DPF3: variants seen among roughly 807,000 people sequenced by gnomAD.
DPF3 encodes the protein double PHD fingers 3, also known as zinc finger protein DPF3.
A neutral mutation model predicts 56.8 loss-of-function variants in DPF3; 18 were observed. The ratio of observed to expected loss-of-function variants is 0.32; its 90% confidence interval spans 0.22 to 0.47. The LOEUF (loss-of-function observed/expected upper bound fraction) is 0.47. Ranked by LOEUF, DPF3 falls within the 20% of genes least tolerant of loss-of-function variation. The probability of loss-of-function intolerance (pLI) is 1.00; values close to 1 mark genes in which losing one functional copy is unlikely to be tolerated. For missense variants in DPF3, 403 were observed against 488.8 expected, an observed-to-expected ratio of 0.82 and a Z score of 1.65; for synonymous variants, 188 against 180.2, an observed-to-expected ratio of 1.04 and a Z score of -0.35.
At chr14:72,704,201 A>G (rs1888308914) in intron 6 of DPF3, among the ~76,000 whole-genome samples, 1 of 152,236 alleles carries the variant, frequency 6.6e-6, no homozygotes, top group Non-Finnish European at 1.5e-5. Context: ...GGTGTCTTTG[A>G]TTCCTGATTC....
At chr14:72,687,875 C>G (rs1327233264) in intron 7 of DPF3, among the ~76,000 whole-genome samples, 1 of 152,070 alleles carries the variant, frequency 6.6e-6, no homozygotes, top group African/African-American at 2.4e-5. Flanking sequence ...CCAGTAGAAC[C>G]TGAGAATCTA....
chr14:72,640,502 C>T (rs1294723562), intron 8 of DPF3, among the ~76,000 whole-genome samples: 1 of 152,116 alleles, frequency 6.6e-6, no homozygotes, highest in Non-Finnish European at 1.5e-5. Context: ...CCTTCTGGAG[C>T]TTACACTGTA....
At chr14:72,648,534 G>A (rs543670085) in intron 8 of DPF3, among the ~76,000 whole-genome samples, 1 of 146,808 alleles carries the variant, frequency 6.8e-6, no homozygotes, top group Non-Finnish European at 1.5e-5. Flanking sequence ...GCACACTCCA[G>A]CCTGGGTGAC....
At chr14:72,788,667 G>A (rs1892310976) in intron 1 of DPF3, among the ~76,000 whole-genome samples, 1 of 152,116 alleles carries the variant, frequency 6.6e-6, no homozygotes, top group African/African-American at 2.4e-5. Context: ...CCACCTCCCT[G>A]GCTCCTGACT....
chr14:72,892,512 C>G (rs1016184072), intron 1 of DPF3: 3 of 1,401,268 alleles, frequency 2.1e-6, no homozygotes, highest in African/African-American at 1.5e-5. Flanking sequence ...ACCCCTTTCC[C>G]TATTTCTGAT....
chr14:72,852,442 C>T (rs1366201547), intron 1 of DPF3, among the ~76,000 whole-genome samples: 1 of 152,228 alleles, frequency 6.6e-6, no homozygotes, highest in Non-Finnish European at 1.5e-5. Context: ...CCGCCCCCAA[C>T]ACACTCACAC....
intron 8 of DPF3, chr14:72,670,567 T>A (rs1294930623): frequency 7.1e-6 from 7 of 987,484 alleles, no homozygotes; most frequent in Non-Finnish European, 8.4e-6. Flanking sequence ...CGTCTCCCAT[T>A]GAGGAAATTC....
intron 9 of DPF3, among the ~76,000 whole-genome samples, chr14:72,620,637 G>A (rs1487655905): frequency 1.3e-5 from 2 of 152,156 alleles, no homozygotes; most frequent in African/African-American, 4.8e-5. Flanking sequence ...GCTCTCCCAG[G>A]CCCTGACCCT....
chr14:72,831,079 A>T (rs1244874827), intron 1 of DPF3, among the ~76,000 whole-genome samples: 1 of 152,160 alleles, frequency 6.6e-6, no homozygotes, highest in African/African-American at 2.4e-5. Flanking sequence ...CTTCTTGGAT[A>T]TTTAACCTGG....
Position 72,764,484 on chromosome 14 carries a change from G to GTT in DPF3, c.193+7247_193+7248dup, listed in dbSNP as rs57886183. Among the ~76,000 whole-genome samples the GTT allele has an allele frequency of 9.1e-3, 478 of 52,792 alleles. 104 individuals carry two copies. The highest frequency in any genetic ancestry group is 0.034 in the African/African-American group (440 of 12,762). 34.6% of individuals were successfully genotyped at this position (52,792 alleles called of 152,430 possible). On this transcript the variant is annotated intron_variant, in intron 2 of 10. Coordinates refer to ENST00000556509, the MANE Select transcript of DPF3 (RefSeq NM_001280542.3). The stretch of plus-strand genomic sequence containing the variant: ...AGTATGCAAACTATTTTCCTGAGTT[G>GTT]TTTTTTTTTTTTTTTTTTTTTTTTT...
chr14:72,630,778 C>G (rs933087823), intron 8 of DPF3, among the ~76,000 whole-genome samples: 2 of 152,202 alleles, frequency 1.3e-5, no homozygotes, highest in African/African-American at 4.8e-5. Flanking sequence ...TGCCCAGTGC[C>G]GAGCACTCAC....
intron 8 of DPF3, chr14:72,670,851 C>A: frequency 1.0e-5 from 12 of 1,172,186 alleles, no homozygotes; most frequent in Non-Finnish European, 1.3e-5. Flanking sequence ...CGTCTAACTT[C>A]CTATTTCTAT....
intron 3 of DPF3, among the ~76,000 whole-genome samples, chr14:72,743,100 T>C (rs889685285): frequency 1.3e-5 from 2 of 152,118 alleles, no homozygotes; most frequent in African/African-American, 4.8e-5. Context: ...TCCCCAGTCA[T>C]TGAAGGACTG....
At chr14:72,727,670 C>T (rs1213167989) in intron 4 of DPF3, among the ~76,000 whole-genome samples, 1 of 151,948 alleles carries the variant, frequency 6.6e-6, no homozygotes, top group Non-Finnish European at 1.5e-5. Flanking sequence ...TCCTAAAATG[C>T]ACTTATTTTA....
At chr14:72,812,839 G>A (rs758375684) in intron 1 of DPF3, among the ~76,000 whole-genome samples, 2 of 152,172 alleles carry the variant, frequency 1.3e-5, no homozygotes, top group Non-Finnish European at 2.9e-5. Context: ...AACAAAAGAC[G>A]GGAAGCCAAA....
intron 1 of DPF3, among the ~76,000 whole-genome samples, chr14:72,820,296 GCAAATGGC>G (rs1883476477): frequency 6.6e-6 from 1 of 151,998 alleles, no homozygotes; most frequent in Non-Finnish European, 1.5e-5. Flanking sequence ...ACCTCAACAG[GCAAATGGC>G]CAAAAGACAC....
rs751011464 is a variant in DPF3 at position 72,611,363 on chromosome 14, C to T, written c.*7934G>A. On this transcript the variant is annotated 3_prime_UTR_variant, in exon 11 of 11. Transcript: ENST00000556509. Reference sequence around the variant, plus strand: ...GCACGAAGCTAGGATCTGACAAGCACCTGGCCAAAGGTGAGCATGGAAGGT... The same window carrying T: ...GCACGAAGCTAGGATCTGACAAGCATCTGGCCAAAGGTGAGCATGGAAGGT... 5.3e-5 allele frequency among the ~76,000 whole-genome samples: 8 copies of T among 152,190 alleles called. No homozygotes were observed. The highest frequency in any genetic ancestry group is 1.2e-4 in the Non-Finnish European group (8 of 68,042).
At chr14:72,825,529 T>C (rs1883757034) in intron 1 of DPF3, among the ~76,000 whole-genome samples, 1 of 152,266 alleles carries the variant, frequency 6.6e-6, no homozygotes, top group Admixed American at 6.5e-5. Context: ...TTCTTTTCAG[T>C]TCTAGAACAT....
chr14:72,635,217 G>C (rs1428759999), intron 8 of DPF3, among the ~76,000 whole-genome samples: 1 of 152,214 alleles, frequency 6.6e-6, no homozygotes, highest in Non-Finnish European at 1.5e-5. Context: ...TCAGCAGATG[G>C]AGGGAAAGGG....
Sources: allele counts gnomAD v4.1 joint callset (sites outside exome capture counted in the v4.1 genomes callset), GRCh38; gene constraint gnomAD v4.1.1; transcripts MANE v1.5; gene names NCBI Gene and HGNC (gene_info 2026-07-23, HGNC 2026-07-21).